Variants in FBXL13 observed in about 807,000 individuals in gnomAD.
FBXL13 encodes the protein F-box and leucine-rich repeat protein 13.
FBXL13 carries 67 observed loss-of-function variants against 83.6 expected under a neutral mutation model. The ratio of observed to expected loss-of-function variants is 0.80; its 90% CI spans 0.66 to 0.98. FBXL13 has a LOEUF of 0.98. Among genes scored for constraint, FBXL13 ranks in the 50% least tolerant of loss-of-function variants. The pLI is 0.00. For synonymous variants in FBXL13, 272 were observed against 299.5 expected (o/e 0.91, Z 0.95); for missense variants, 822 against 866.5 (o/e 0.95, Z 0.64).
chr7:102,983,895 G>A (rs1828604964), intron 6 of FBXL13, among the ~76,000 whole-genome samples: 1 of 152,168 alleles, frequency 6.6e-6, no homozygotes, highest in Non-Finnish European at 1.5e-5. Flanking sequence ...GGCACATGTG[G>A]AAGCTTTCAG....
chr7:103,002,166 G>A (rs1375064153), intron 6 of FBXL13, among the ~76,000 whole-genome samples: 4 of 151,830 alleles, frequency 2.6e-5, no homozygotes, highest in South Asian at 2.1e-4. Context: ...TATTTTGAGT[G>A]TATCTATTAC....
rs143667866 is a variant in FBXL13 at position 102,956,935 on chromosome 7, A to G, written c.724+6598T>C. ...CCATGCTCATCGATAAGAACAATCAATATCATGAAAATGGCCATACTGCCC... is the reference window on the plus strand; with the variant it reads ...CCATGCTCATCGATAAGAACAATCAGTATCATGAAAATGGCCATACTGCCC... On this transcript the variant is annotated intron_variant, in intron 8 of 19. Transcript: ENST00000313221. Among the ~76,000 whole-genome samples the G allele has an allele frequency of 3.5e-4, 54 of 152,308 alleles. 1 individual carries two copies. In the East Asian group the frequency reaches 9.1e-3, roughly 26 times the overall value.
At chr7:102,881,351 C>T (rs902653632) in intron 14 of FBXL13, among the ~76,000 whole-genome samples, 2 of 144,288 alleles carry the variant, frequency 1.4e-5, no homozygotes, top group Non-Finnish European at 3.0e-5. Flanking sequence ...GCAGGAGAAT[C>T]ATTTGAACCC....
At chr7:102,908,772 C>A (rs1244385245) in intron 11 of FBXL13, among the ~76,000 whole-genome samples, 1 of 152,262 alleles carries the variant, frequency 6.6e-6, no homozygotes, top group Non-Finnish European at 1.5e-5. Context: ...CTGTTCTGAA[C>A]CACCCAAAAC....
intron 6 of FBXL13, chr7:102,975,903 C>G (rs1563175590): frequency 1.3e-6 from 1 of 758,050 alleles, no homozygotes; most frequent in Non-Finnish European, 2.4e-6. Context: ...GCCCTGCAGG[C>G]CATGGGGCCA....
chr7:103,059,617 C>T (rs1585606971), intron 1 of FBXL13, among the ~76,000 whole-genome samples: 2 of 152,244 alleles, frequency 1.3e-5, no homozygotes, highest in South Asian at 2.1e-4. Flanking sequence ...ATTGGATTAG[C>T]TCTCTCAAGC....
At chr7:102,961,586 T>C (rs1024061529) in intron 8 of FBXL13, among the ~76,000 whole-genome samples, 8 of 150,448 alleles carry the variant, frequency 5.3e-5, no homozygotes, top group Admixed American at 4.6e-4. Context: ...CTTCAAACTA[T>C]ACTACAAGGC....
intron 19 of FBXL13, among the ~76,000 whole-genome samples, chr7:102,815,533 G>A (rs1797874713): frequency 6.6e-6 from 1 of 152,086 alleles, no homozygotes. Context: ...CCAAACACCA[G>A]AGTTCTGGAC....
rs150472379 is a variant in FBXL13 at position 102,953,551 on chromosome 7, T to A, written c.724+9982A>T. Among the ~76,000 whole-genome samples the A allele has an allele frequency of 1.2e-3, 188 of 152,220 alleles. 1 individual carries two copies. Among genetic ancestry groups the A allele is most frequent in the African/African-American group, 4.5e-3 (185 of 41,540 alleles). On this transcript the variant is annotated intron_variant, in intron 8 of 19. Coordinates refer to ENST00000313221, the Ensembl canonical transcript of FBXL13. ...GTAAGAAAAGAAAAAAAAGGGAGAA[T>A]GGGTATGAGCTTCCTCTTTGGGCTG...
chr7:102,889,322 T>A (rs1185276924), intron 11 of FBXL13, among the ~76,000 whole-genome samples: 1 of 152,262 alleles, frequency 6.6e-6, no homozygotes, highest in Non-Finnish European at 1.5e-5. Flanking sequence ...TTGAGTCACA[T>A]AGCAATGGCA....
At chr7:102,948,493 G>A (rs1390835551) in intron 8 of FBXL13, among the ~76,000 whole-genome samples, 10 of 151,662 alleles carry the variant, frequency 6.6e-5, no homozygotes, top group Admixed American at 6.6e-4. Context: ...GCATGATCTC[G>A]GCTCACTGCA....
intron 2 of FBXL13, among the ~76,000 whole-genome samples, chr7:103,049,744 CT>C (rs1388378524): frequency 6.6e-6 from 1 of 152,120 alleles, no homozygotes; most frequent in African/African-American, 2.4e-5. Flanking sequence ...TAATAAAGTC[CT>C]TTTAAAATTT....
chr7:102,908,512 A>G (rs1420686065), intron 11 of FBXL13, among the ~76,000 whole-genome samples: 1 of 152,210 alleles, frequency 6.6e-6, no homozygotes, highest in Non-Finnish European at 1.5e-5. Context: ...TATTTATTGT[A>G]GTCTTCACTG....
intron 16 of FBXL13, among the ~76,000 whole-genome samples, chr7:102,872,158 G>A (rs1010082861): frequency 5.3e-5 from 8 of 152,102 alleles, no homozygotes; most frequent in African/African-American, 1.9e-4. Context: ...CTTCTGTGTT[G>A]GGCAGGCTGA....
intron 18 of FBXL13, among the ~76,000 whole-genome samples, chr7:102,826,743 A>ATATG (rs1799733809): frequency 1.2e-5 from 1 of 83,366 alleles, no homozygotes; most frequent in Non-Finnish European, 2.1e-5. Context: ...ATATATATAT[A>ATATG]TATATATATA....
rs776131200 is a variant in FBXL13 at position 102,878,303 on chromosome 7, T to C, written c.1508+28A>G. 7.6e-6 allele frequency: 12 copies of C among 1,571,884 alleles called. No homozygotes were observed. The East Asian group carries it at 1.6e-4, about 21-fold the overall frequency. The stretch of plus-strand genomic sequence containing the variant: ...ATTATCAAATATACAATACTAATGA[T>C]ATGATGTAAAAGACTGTTTTATCAT... On this transcript the variant is annotated intron_variant, in intron 15 of 19. Coordinates refer to ENST00000313221, the Ensembl canonical transcript of FBXL13.
intron 6 of FBXL13, among the ~76,000 whole-genome samples, chr7:103,007,125 A>C (rs1194586170): frequency 1.3e-5 from 2 of 152,164 alleles, no homozygotes; most frequent in Middle Eastern, 3.2e-3. Flanking sequence ...AAGTTATATA[A>C]TATTTGTATA....
chr7:103,002,490 T>C (rs1790506040), intron 6 of FBXL13, among the ~76,000 whole-genome samples: 1 of 152,226 alleles, frequency 6.6e-6, no homozygotes, highest in Non-Finnish European at 1.5e-5. Context: ...GAATACTTAC[T>C]TTTGCCAGTG....
At chr7:102,876,968 A>C (rs1209684435) in intron 16 of FBXL13, among the ~76,000 whole-genome samples, 2 of 152,340 alleles carry the variant, frequency 1.3e-5, no homozygotes, top group Admixed American at 6.5e-5. Context: ...CAGAGGGATA[A>C]GATGGATGTG....
Sources: allele counts gnomAD v4.1 joint callset (sites outside exome capture counted in the v4.1 genomes callset), GRCh38; gene constraint gnomAD v4.1.1; transcripts MANE v1.5; gene names NCBI Gene and HGNC (gene_info 2026-07-23, HGNC 2026-07-21).